Variants in EEFSEC observed in about 807,000 individuals in gnomAD.
The protein encoded by EEFSEC is selenocysteine-specific elongation factor.
In EEFSEC, 43 loss-of-function variants were observed where a neutral mutation model predicts 42.1. That is an observed-to-expected ratio of 1.02 (90% confidence interval 0.80 to 1.32). EEFSEC has a LOEUF of 1.32. Among genes scored for constraint, EEFSEC ranks in the 40% most tolerant of loss-of-function variants. EEFSEC has a pLI of 0.00. For synonymous variants in EEFSEC, 354 were observed against 339.1 expected, an observed-to-expected ratio of 1.04 and a Z score of -0.48; for missense variants, 745 against 803.6, an observed-to-expected ratio of 0.93 and a Z score of 0.88.
intron 6 of EEFSEC, among the ~76,000 whole-genome samples, chr3:128,405,345 C>T (rs992001327): frequency 1.2e-4 from 18 of 152,154 alleles, no homozygotes; most frequent in African/African-American, 3.6e-4. Flanking sequence ...GGCCAGTGCA[C>T]GATGCTCTCA....
chr3:128,230,237 C>T (rs1222247828), intron 1 of EEFSEC, among the ~76,000 whole-genome samples: 5 of 151,890 alleles, frequency 3.3e-5, no homozygotes, highest in African/African-American at 1.2e-4. Flanking sequence ...ACCTTGAACT[C>T]CTGGGCTGAA....
At chr3:128,375,220 G>C (rs1450884483) in intron 6 of EEFSEC, among the ~76,000 whole-genome samples, 1 of 152,220 alleles carries the variant, frequency 6.6e-6, no homozygotes, top group Admixed American at 6.5e-5. Flanking sequence ...AGGGGCTGCA[G>C]ACAGTCCCTG....
intron 1 of EEFSEC, among the ~76,000 whole-genome samples, chr3:128,178,269 G>A (rs541515911): frequency 6.6e-6 from 1 of 152,210 alleles, no homozygotes; most frequent in South Asian, 2.1e-4. Context: ...CATGTAAAAT[G>A]AAACATTTAA....
At chr3:128,155,819 C>G (rs1167823724) in intron 1 of EEFSEC, among the ~76,000 whole-genome samples, 1 of 152,164 alleles carries the variant, frequency 6.6e-6, no homozygotes, top group Admixed American at 6.5e-5. Context: ...GATCATTTCC[C>G]CATTTTACAG....
intron 4 of EEFSEC, among the ~76,000 whole-genome samples, chr3:128,338,368 G>A (rs1221032329): frequency 6.6e-6 from 1 of 152,276 alleles, no homozygotes; most frequent in East Asian, 1.9e-4. Context: ...TAGTTCAGGG[G>A]CGGAAAGGGC....
intron 6 of EEFSEC, among the ~76,000 whole-genome samples, chr3:128,407,639 C>T (rs1266825400): frequency 6.6e-6 from 1 of 152,206 alleles, no homozygotes; most frequent in East Asian, 1.9e-4. Flanking sequence ...GCTTCCACTG[C>T]TAAACCTGGT....
intron 5 of EEFSEC, among the ~76,000 whole-genome samples, chr3:128,346,210 G>A (rs1390965855): frequency 6.6e-6 from 1 of 152,118 alleles, no homozygotes; most frequent in Non-Finnish European, 1.5e-5. Context: ...CTAAACAACT[G>A]CTCTTGCTCC....
chr3:128,250,818 C>T (rs1414878917), intron 2 of EEFSEC, among the ~76,000 whole-genome samples: 1 of 149,942 alleles, frequency 6.7e-6, no homozygotes, highest in Non-Finnish European at 1.5e-5. Context: ...CTGTAGATCT[C>T]TTTGGGTAGT....
At chr3:128,415,636 G>A in the EEFSEC span, among the ~76,000 whole-genome samples, 15 of 152,302 alleles carry the variant, frequency 9.8e-5, no homozygotes, top group East Asian at 1.5e-3. Flanking sequence ...TGCTGCCCTC[G>A]CCGCCGGGGC....
intron 1 of EEFSEC, among the ~76,000 whole-genome samples, chr3:128,236,027 C>T (rs1164678553): frequency 3.9e-5 from 6 of 152,196 alleles, no homozygotes; most frequent in Non-Finnish European, 5.9e-5. Context: ...TTCAGTGGCG[C>T]AATCTCGCCT....
chr3:128,271,777 C>T (rs1576596357), intron 4 of EEFSEC, among the ~76,000 whole-genome samples: 1 of 152,164 alleles, frequency 6.6e-6, no homozygotes, highest in Non-Finnish European at 1.5e-5. Context: ...CCTTGCCTCC[C>T]AGGTCTTCTT....
intron 5 of EEFSEC, among the ~76,000 whole-genome samples, 175 bp from the exon 6 acceptor site, chr3:128,358,042 A>G (rs1234545806): frequency 6.6e-6 from 1 of 152,008 alleles, no homozygotes; most frequent in African/African-American, 2.4e-5. Context: ...CCCTGCTCCC[A>G]TGCATTTTGT....
intron 1 of EEFSEC, among the ~76,000 whole-genome samples, chr3:128,181,747 C>T (rs1483364565): frequency 1.3e-5 from 2 of 152,190 alleles, no homozygotes; most frequent in Non-Finnish European, 1.5e-5. Context: ...AGAAATGAAA[C>T]ATGAGCAATA....
intron 1 of EEFSEC, among the ~76,000 whole-genome samples, chr3:128,215,101 C>T (rs1197178993): frequency 6.6e-6 from 1 of 152,104 alleles, no homozygotes; most frequent in Non-Finnish European, 1.5e-5. Context: ...ACCTCCTTGC[C>T]TTTCTGCCAT....
chr3:128,156,592 T>C (rs145972463), intron 1 of EEFSEC, among the ~76,000 whole-genome samples: 34 of 152,380 alleles, frequency 2.2e-4, no homozygotes, highest in African/African-American at 7.0e-4. Flanking sequence ...TAACAATATT[T>C]CAAACTTTTC....
intron 1 of EEFSEC, among the ~76,000 whole-genome samples, chr3:128,235,093 C>G (rs2065994584): frequency 6.6e-6 from 1 of 152,010 alleles, no homozygotes; most frequent in African/African-American, 2.4e-5. Flanking sequence ...GAGGCAGGGT[C>G]TCATTCTGTT....
At chr3:128,398,896 G>A (rs1319733021) in intron 6 of EEFSEC, among the ~76,000 whole-genome samples, 2 of 152,254 alleles carry the variant, frequency 1.3e-5, no homozygotes, top group East Asian at 3.9e-4. Context: ...GCTGATGAGG[G>A]ATGGGGGCTA....
At position 128,342,958 on chromosome 3, in the gene EEFSEC, GT is replaced by G. The variant is rs1576655172; in HGVS notation, c.1443+1070del. Among the ~76,000 whole-genome samples the G allele has an allele frequency of 2.6e-5, 4 of 152,266 alleles. No homozygotes were observed. The East Asian group carries it at 7.7e-4, about 29-fold the overall frequency. On this transcript the variant is annotated intron_variant, in intron 5 of 6. Transcript: ENST00000254730. Reference sequence around the variant, plus strand: ...CTTCTAGAAGGCTAGCTCCCTGGCTGTGGGTCCAAGCGGATCAGCAGCAGCT... The same window carrying G: ...CTTCTAGAAGGCTAGCTCCCTGGCTGGGGTCCAAGCGGATCAGCAGCAGCT...
chr3:128,426,171 G>T, the EEFSEC span, among the ~76,000 whole-genome samples: 1 of 152,228 alleles, frequency 6.6e-6, no homozygotes, highest in Non-Finnish European at 1.5e-5. Context: ...GGCAGAGCCA[G>T]CACTTGAACC....
Sources: allele counts gnomAD v4.1 joint callset (sites outside exome capture counted in the v4.1 genomes callset), GRCh38; gene constraint gnomAD v4.1.1; transcripts MANE v1.5; gene names NCBI Gene and HGNC (gene_info 2026-07-23, HGNC 2026-07-21).